The following RAD51B variants were observed in gnomAD, a reference collection of about 807,000 sequenced individuals.
RAD51B encodes the protein DNA repair protein RAD51 homolog 2.
A neutral mutation model predicts 42.2 loss-of-function variants in RAD51B; 38 were observed. The ratio of observed to expected loss-of-function variants is 0.90; its 90% CI spans 0.70 to 1.18. RAD51B has a LOEUF of 1.18. Among genes scored for constraint, RAD51B ranks in the 50% most tolerant of loss-of-function variants. The pLI, the probability that RAD51B is intolerant of heterozygous loss-of-function variation, is 0.00. For synonymous variants in RAD51B, 154 were observed against 145.2 expected, an observed-to-expected ratio of 1.06 and a Z score of -0.43; for missense variants, 373 against 400.7, an observed-to-expected ratio of 0.93 and a Z score of 0.59.
chr14:67,826,311 G>T (rs572415580), intron 3 of RAD51B, among the ~76,000 whole-genome samples: 8 of 152,176 alleles, frequency 5.3e-5, no homozygotes, highest in African/African-American at 1.9e-4. Flanking sequence ...CTTATTGATT[G>T]AATAAAAGGT....
At chr14:67,997,838 T>C (rs1214745413) in intron 7 of RAD51B, among the ~76,000 whole-genome samples, 2 of 152,184 alleles carry the variant, frequency 1.3e-5, no homozygotes, top group Non-Finnish European at 2.9e-5. Flanking sequence ...TATTGTGTGC[T>C]TCAAGTTCAT....
At chr14:68,487,303 G>A (rs1883705181) in intron 10 of RAD51B, among the ~76,000 whole-genome samples, 1 of 152,046 alleles carries the variant, frequency 6.6e-6, no homozygotes, top group African/African-American at 2.4e-5. Flanking sequence ...TGAGCTCTTA[G>A]TGTCTCATTC....
chr14:68,311,448 A>G (rs1016082158), intron 8 of RAD51B, among the ~76,000 whole-genome samples: 4 of 152,212 alleles, frequency 2.6e-5, no homozygotes, highest in African/African-American at 9.6e-5. Flanking sequence ...TTCAAAGGGT[A>G]TCCTGTTCCT....
intron 8 of RAD51B, among the ~76,000 whole-genome samples, chr14:68,368,377 A>G (rs1249384351): frequency 1.3e-5 from 2 of 152,178 alleles, no homozygotes; most frequent in African/African-American, 4.8e-5. Flanking sequence ...TCTTCAAGCT[A>G]ATGTTCACCT....
chr14:67,900,822 A>G (rs753627759), intron 7 of RAD51B, among the ~76,000 whole-genome samples: 19 of 152,090 alleles, frequency 1.2e-4, no homozygotes, highest in Non-Finnish European at 2.4e-4. Context: ...ATCTGATACC[A>G]TATTGTAATG....
At chr14:68,619,812 T>C (rs1891907196) in intron 10 of RAD51B, among the ~76,000 whole-genome samples, 1 of 152,234 alleles carries the variant, frequency 6.6e-6, no homozygotes, top group African/African-American at 2.4e-5. Context: ...CTTGCCTTCC[T>C]GAGGAGGTTA....
chr14:68,127,938 T>A (rs1264041353), intron 7 of RAD51B, among the ~76,000 whole-genome samples: 1 of 152,234 alleles, frequency 6.6e-6, no homozygotes, highest in African/African-American at 2.4e-5. Context: ...CTATACCTTC[T>A]ATGCTGAGGT....
At chr14:68,449,977 A>C (rs907782931) in intron 9 of RAD51B, among the ~76,000 whole-genome samples, 5 of 152,164 alleles carry the variant, frequency 3.3e-5, no homozygotes, top group African/African-American at 1.2e-4. Flanking sequence ...TTTACTTCTA[A>C]AACATGATTA....
At chr14:68,607,299 T>C (rs10143573) in intron 10 of RAD51B, among the ~76,000 whole-genome samples, 79,828 of 152,032 alleles carry the variant, frequency 0.53, 21,099 homozygotes, top group Middle Eastern at 0.67. Flanking sequence ...ATCTGCCCAG[T>C]ACCAGTTTGA....
chr14:68,090,448 G>A (rs1385784930), intron 7 of RAD51B, among the ~76,000 whole-genome samples: 1 of 152,032 alleles, frequency 6.6e-6, no homozygotes, highest in Non-Finnish European at 1.5e-5. Flanking sequence ...TGACATTTAA[G>A]TAATACTTTT....
intron 7 of RAD51B, among the ~76,000 whole-genome samples, chr14:68,143,888 C>T (rs969484000): frequency 6.6e-6 from 1 of 152,138 alleles, no homozygotes; most frequent in African/African-American, 2.4e-5. Flanking sequence ...ACTCTCTTTC[C>T]TTGGCAAATG....
rs569662565 is a variant in RAD51B at position 67,922,794 on chromosome 14, C to T, written c.756+35590C>T. Among the ~76,000 whole-genome samples the T allele has an allele frequency of 3.1e-3, 471 of 151,156 alleles. 4 individuals are homozygous for T. The highest frequency in any genetic ancestry group is 0.011 in the African/African-American group (444 of 41,082). On this transcript the variant is annotated intron_variant, in intron 7 of 10. Coordinates refer to ENST00000471583, the MANE Select transcript of RAD51B (RefSeq NM_133510.4). The stretch of plus-strand genomic sequence containing the variant: ...ACAACCTCCACCTCCCGGGTTCAAG[C>T]GATTCTCCTGCCTCAGCCTCCCAAG...
At chr14:68,244,669 G>A (rs559367197) in intron 7 of RAD51B, among the ~76,000 whole-genome samples, 215 of 152,292 alleles carry the variant, frequency 1.4e-3, no homozygotes, top group African/African-American at 4.9e-3. Flanking sequence ...TGGTAACAAG[G>A]CCAATCTACT....
At chr14:68,558,094 C>T (rs947165760) in intron 10 of RAD51B, among the ~76,000 whole-genome samples, 3 of 152,250 alleles carry the variant, frequency 2.0e-5, no homozygotes, top group Non-Finnish European at 2.9e-5. Flanking sequence ...CGTCCTCTCT[C>T]AGTCCCCATT....
intron 7 of RAD51B, among the ~76,000 whole-genome samples, chr14:68,180,428 G>GA (rs1313121958): frequency 6.6e-6 from 1 of 152,104 alleles, no homozygotes; most frequent in Non-Finnish European, 1.5e-5. Context: ...CGGGGTAGAG[G>GA]AGTACTCTTT....
chr14:68,080,546 T>G (rs1190727633), intron 7 of RAD51B, among the ~76,000 whole-genome samples: 1 of 152,172 alleles, frequency 6.6e-6, no homozygotes, highest in Non-Finnish European at 1.5e-5. Context: ...CAGCCTGAAA[T>G]GCAGATCAGT....
At chr14:68,574,575 A>G (rs1302549739) in intron 10 of RAD51B, among the ~76,000 whole-genome samples, 2 of 152,170 alleles carry the variant, frequency 1.3e-5, no homozygotes, top group East Asian at 3.8e-4. Flanking sequence ...GGGCACCCAG[A>G]GGGCCAGCCC....
At chr14:68,144,411 A>T (rs960453662) in intron 7 of RAD51B, among the ~76,000 whole-genome samples, 1 of 152,240 alleles carries the variant, frequency 6.6e-6, no homozygotes, top group Non-Finnish European at 1.5e-5. Flanking sequence ...TCTTGGCTCA[A>T]TATAGGGGAA....
chr14:68,568,192 A>G (rs1889517352), intron 10 of RAD51B, among the ~76,000 whole-genome samples: 2 of 152,262 alleles, frequency 1.3e-5, no homozygotes, highest in Non-Finnish European at 2.9e-5. Flanking sequence ...AAAGGTAAGC[A>G]AACAGATCAC....
Sources: gnomAD v4.1 joint callset for allele counts (sites outside exome capture counted in the v4.1 genomes callset) on GRCh38, gnomAD v4.1.1 for gene constraint, MANE v1.5 for transcripts, NCBI Gene and HGNC (gene_info 2026-07-23, HGNC 2026-07-21) for gene names.